FABP6: variants seen among roughly 807,000 people sequenced by gnomAD.
FABP6 encodes the protein gastrotropin.
In FABP6, 13 loss-of-function variants were observed where a neutral mutation model predicts 14.9. The ratio of observed to expected loss-of-function variants is 0.87; its 90% CI spans 0.57 to 1.39. The LOEUF is 1.39. Ranked by LOEUF, FABP6 falls within the 40% of genes most tolerant of loss-of-function variation. FABP6 has a pLI of 0.00. For synonymous variants in FABP6, 75 were observed against 63.6 expected, an observed-to-expected ratio of 1.18 and a Z score of -0.85; for missense variants, 161 against 167.2, an observed-to-expected ratio of 0.96 and a Z score of 0.20.
chr5:160,193,980 G>C (rs1759456762), intron 1 of FABP6, among the ~76,000 whole-genome samples: 2 of 152,240 alleles, frequency 1.3e-5, no homozygotes, highest in Non-Finnish European at 2.9e-5. Context: ...GGCTGCACAG[G>C]TGCCCACGGA....
chr5:160,236,244 G>C (rs1258961204), intron 3 of FABP6, among the ~76,000 whole-genome samples: 1 of 152,050 alleles, frequency 6.6e-6, no homozygotes, highest in Admixed American at 6.6e-5. Context: ...TCGAACTCCT[G>C]ACCTCAAGTG....
rs73306590 is a variant in FABP6, at chr5:160,222,861, T to G, written c.136-6685T>G. 8.0e-3 allele frequency among the ~76,000 whole-genome samples: 1,219 copies of G among 152,332 alleles called. 13 individuals carry two copies. The highest frequency in any genetic ancestry group is 0.028 in the African/African-American group (1,151 of 41,566). On this transcript the variant is annotated intron_variant, in intron 3 of 6. Transcript: ENST00000393980. ...AACATTGTATGAGTTGTAAGAATGT[T>G]CTAGACCCCTTAAGTTTGTAGTCCC... is the stretch of plus-strand genomic sequence containing the variant.
intron 2 of FABP6, among the ~76,000 whole-genome samples, chr5:160,212,402 T>C (rs1759912077): frequency 6.6e-6 from 1 of 151,980 alleles, no homozygotes; most frequent in African/African-American, 2.4e-5. Context: ...GACCTGCCCA[T>C]CTCAGCCTCC....
intron 1 of FABP6, among the ~76,000 whole-genome samples, chr5:160,188,155 G>A (rs963433335): frequency 6.6e-6 from 1 of 152,102 alleles, no homozygotes; most frequent in Non-Finnish European, 1.5e-5. Context: ...GGCAGGGGCC[G>A]GGCTAGGATT....
chr5:160,213,430 G>C (rs1229977462), intron 2 of FABP6, among the ~76,000 whole-genome samples: 1 of 152,168 alleles, frequency 6.6e-6, no homozygotes, highest in African/African-American at 2.4e-5. Context: ...ACCCTTGATA[G>C]GGGTGCAAAT....
chr5:160,217,576 A>G (rs1046840893), intron 3 of FABP6, among the ~76,000 whole-genome samples: 2 of 152,156 alleles, frequency 1.3e-5, no homozygotes, highest in African/African-American at 4.8e-5. Flanking sequence ...TGCTGCGAAA[A>G]GTACTTTACA....
At chr5:160,213,775 C>T (rs749950103) in exon 3 of FABP6, 1 of 1,613,692 alleles carries the variant, frequency 6.2e-7, no homozygotes, top group African/African-American at 1.3e-5. Flanking sequence ...ATGGGTGAGC[C>T]GGAAAGGAGA....
At chr5:160,213,891 T>C in intron 3 of FABP6, 1 of 1,250,510 alleles carries the variant, frequency 8.0e-7, no homozygotes, top group South Asian at 1.2e-5. Flanking sequence ...CTCATGAACC[T>C]AGACTTTGTG....
At chr5:160,221,327 G>A (rs944503574) in intron 3 of FABP6, among the ~76,000 whole-genome samples, 1 of 152,114 alleles carries the variant, frequency 6.6e-6, no homozygotes, top group East Asian at 1.9e-4. Context: ...TCTACAGGTT[G>A]GACTAATCAA....
chr5:160,198,654 T>G, intron 1 of FABP6: 1 of 169,544 alleles, frequency 5.9e-6, no homozygotes, highest in Non-Finnish European at 1.3e-5. Context: ...CACCACACTG[T>G]CCTTCCTTCT....
chr5:160,203,689 C>T (rs1759696445), intron 2 of FABP6, among the ~76,000 whole-genome samples: 1 of 150,844 alleles, frequency 6.6e-6, no homozygotes, highest in South Asian at 2.1e-4. Context: ...AACCAAATCT[C>T]AGATATTATA....
chr5:160,212,073 C>T (rs562940304), intron 2 of FABP6, among the ~76,000 whole-genome samples: 10 of 151,646 alleles, frequency 6.6e-5, no homozygotes, highest in East Asian at 3.9e-4. Context: ...CTGTAACCTC[C>T]GCCTCCTGGG....
chr5:160,202,471 A>G (rs1237037497), intron 2 of FABP6, among the ~76,000 whole-genome samples: 1 of 152,136 alleles, frequency 6.6e-6, no homozygotes, highest in Non-Finnish European at 1.5e-5. Flanking sequence ...CCATGTCAAA[A>G]AGCAAAATGT....
At chr5:160,215,462 G>A (rs567563691) in intron 3 of FABP6, among the ~76,000 whole-genome samples, 20 of 151,586 alleles carry the variant, frequency 1.3e-4, no homozygotes, top group African/African-American at 4.6e-4. Flanking sequence ...GCAGTGAGCC[G>A]AGATCATGCC....
chr5:160,221,702 G>A (rs1435594158), intron 3 of FABP6, among the ~76,000 whole-genome samples: 1 of 112,608 alleles, frequency 8.9e-6, no homozygotes, highest in Non-Finnish European at 1.8e-5. Context: ...TTGAATAATG[G>A]ATGGAGTTTT....
upstream of FABP6, chr5:160,229,304 C>A: frequency 1.5e-6 from 1 of 661,648 alleles, no homozygotes; most frequent in South Asian, 2.8e-5. Flanking sequence ...AAACCCGTTG[C>A]CATCCTGACC....
At chr5:160,238,574 C>T in intron 3 of FABP6, 32 bp from the exon 4 acceptor site, 1 of 1,609,532 alleles carries the variant, frequency 6.2e-7, no homozygotes, top group African/African-American at 1.3e-5. Context: ...GGGTGGGGCA[C>T]TGACTCCCTC....
At chr5:160,232,891 C>T (rs549235598) in intron 2 of FABP6, among the ~76,000 whole-genome samples, 18 of 150,240 alleles carry the variant, frequency 1.2e-4, no homozygotes, top group African/African-American at 3.9e-4. Flanking sequence ...AGTGAGAGTC[C>T]ATCACACAAA....
At chr5:160,231,838 C>T (rs1386820522) in intron 1 of FABP6, among the ~76,000 whole-genome samples, 2 of 152,186 alleles carry the variant, frequency 1.3e-5, no homozygotes, top group East Asian at 3.9e-4. Context: ...GAATATAATT[C>T]TTGTAACAGC....
Sources: gnomAD v4.1 joint callset for allele counts (sites outside exome capture counted in the v4.1 genomes callset) on GRCh38, gnomAD v4.1.1 for gene constraint, MANE v1.5 for transcripts, NCBI Gene and HGNC (gene_info 2026-07-23, HGNC 2026-07-21) for gene names.